NRG3: variants seen among roughly 807,000 people sequenced by gnomAD.
The protein encoded by NRG3 is pro-neuregulin-3, membrane-bound isoform.
NRG3 carries 31 observed loss-of-function variants against 66.9 expected under a neutral mutation model. That is an observed-to-expected ratio of 0.46 (90% confidence interval 0.35 to 0.63). NRG3 has a LOEUF of 0.63. NRG3 is among the 20% of genes least tolerant of loss of function. The pLI, the probability that NRG3 is intolerant of heterozygous loss-of-function variation, is 0.00. For synonymous variants in NRG3, 393 were observed against 359.4 expected, an observed-to-expected ratio of 1.09 and a Z score of -1.06; for missense variants, 910 against 878.9, an observed-to-expected ratio of 1.04 and a Z score of -0.45.
At chr10:82,378,385 G>A (rs941624975) in intron 2 of NRG3, among the ~76,000 whole-genome samples, 1 of 152,198 alleles carries the variant, frequency 6.6e-6, no homozygotes, top group Admixed American at 6.5e-5. Context: ...AGCCAGCAAA[G>A]ACTGATTCAC....
intron 2 of NRG3, among the ~76,000 whole-genome samples, chr10:82,500,938 A>G (rs608159): frequency 3.9e-5 from 6 of 151,906 alleles, no homozygotes; most frequent in African/African-American, 1.5e-4. Context: ...ATGGAGTATG[A>G]TTTAGATTTA....
At chr10:82,083,776 T>A (rs1590046919) in intron 1 of NRG3, among the ~76,000 whole-genome samples, 1 of 151,572 alleles carries the variant, frequency 6.6e-6, no homozygotes, top group East Asian at 2.0e-4. Flanking sequence ...TTTTTTTGTT[T>A]TTTTTGTTTT....
At position 82,444,102 on chromosome 10, in the gene NRG3, T is replaced by C. The variant is rs937079403; in HGVS notation, c.953+85234T>C. ...TCATTCTCTTAAAAAAAATTTGTTG[T>C]TTGTTTGTTTTTGTTTTTGAGATGG... On this transcript the variant is annotated intron_variant, in intron 2 of 8. Transcript: ENST00000372141. 2.0e-5 allele frequency among the ~76,000 whole-genome samples: 3 copies of C among 152,282 alleles called. No homozygotes were observed. The East Asian group carries it at 5.8e-4, about 29-fold the overall frequency.
At chr10:82,274,327 G>A (rs946103441) in intron 1 of NRG3, among the ~76,000 whole-genome samples, 2 of 151,932 alleles carry the variant, frequency 1.3e-5, no homozygotes, top group African/African-American at 4.8e-5. Flanking sequence ...TTCAAGACTG[G>A]CTGGAAGATT....
Position 82,378,641 on chromosome 10 carries a change from G to T in NRG3, c.953+19773G>T, listed in dbSNP as rs568772576. ...GCTGGAGTGCGGTGGTGCGATCTTGGCTCACTGCAACCTCCACCTCCTGGG... is the reference window on the plus strand; with the variant it reads ...GCTGGAGTGCGGTGGTGCGATCTTGTCTCACTGCAACCTCCACCTCCTGGG... On this transcript the variant is annotated intron_variant, in intron 2 of 8. Transcript: ENST00000372141. Among the ~76,000 whole-genome samples the T allele has an allele frequency of 2.0e-5, 3 of 151,900 alleles. No individual in the cohort carries two copies. The East Asian group carries it at 5.8e-4, about 30-fold the overall frequency.
intron 1 of NRG3, among the ~76,000 whole-genome samples, chr10:82,074,720 T>C (rs2064996377): frequency 6.6e-6 from 1 of 152,156 alleles, no homozygotes; most frequent in South Asian, 2.1e-4. Flanking sequence ...GCCTGTAGTC[T>C]TAGCTACTTA....
intron 2 of NRG3, among the ~76,000 whole-genome samples, chr10:82,595,613 G>C (rs1271384701): frequency 6.6e-6 from 1 of 151,992 alleles, no homozygotes; most frequent in Non-Finnish European, 1.5e-5. Context: ...GTGAAACTCT[G>C]TCTCTACTAA....
At chr10:82,623,535 A>G (rs2049188251) in intron 2 of NRG3, among the ~76,000 whole-genome samples, 1 of 152,054 alleles carries the variant, frequency 6.6e-6, no homozygotes, top group Non-Finnish European at 1.5e-5. Flanking sequence ...ATTATGATGG[A>G]CTTCAGGGAT....
At chr10:82,055,838 G>T (rs138415937) in intron 1 of NRG3, among the ~76,000 whole-genome samples, 2 of 152,158 alleles carry the variant, frequency 1.3e-5, no homozygotes, top group African/African-American at 2.4e-5. Flanking sequence ...GGAGATAAAG[G>T]CAGGTTTATC....
At chr10:82,975,010 TA>T (rs1028074192) in intron 7 of NRG3, among the ~76,000 whole-genome samples, 10 of 152,226 alleles carry the variant, frequency 6.6e-5, no homozygotes, top group African/African-American at 2.2e-4. Context: ...GTTTGCCATT[TA>T]AAAGAATATG....
intron 3 of NRG3, among the ~76,000 whole-genome samples, chr10:82,776,691 T>C (rs1256860945): frequency 8.6e-5 from 13 of 151,988 alleles, no homozygotes; most frequent in Non-Finnish European, 1.5e-4. Context: ...TTTTGCTGCT[T>C]GATCTAGTCT....
At chr10:82,651,457 T>C (rs565449570) in intron 2 of NRG3, among the ~76,000 whole-genome samples, 7 of 152,344 alleles carry the variant, frequency 4.6e-5, no homozygotes, top group African/African-American at 1.7e-4. Context: ...CCACAGCTGT[T>C]CTTTGCTCTC....
intron 4 of NRG3, among the ~76,000 whole-genome samples, chr10:82,931,225 C>T (rs1472686267): frequency 6.6e-6 from 1 of 152,146 alleles, no homozygotes; most frequent in Non-Finnish European, 1.5e-5. Context: ...ACTCCATCAG[C>T]AGGAATAGAA....
chr10:82,259,952 A>G (rs2077936218), intron 1 of NRG3, among the ~76,000 whole-genome samples: 1 of 151,908 alleles, frequency 6.6e-6, no homozygotes, highest in Non-Finnish European at 1.5e-5. Flanking sequence ...ACAAAACAAA[A>G]CTGATAAACA....
intron 1 of NRG3, among the ~76,000 whole-genome samples, chr10:82,343,978 C>A (rs975685624): frequency 6.6e-6 from 1 of 152,066 alleles, no homozygotes; most frequent in Admixed American, 6.6e-5. Context: ...TACATACTTT[C>A]CAGACAAGAA....
At chr10:82,354,437 C>T (rs2083648649) in intron 1 of NRG3, among the ~76,000 whole-genome samples, 1 of 150,502 alleles carries the variant, frequency 6.6e-6, no homozygotes, top group Non-Finnish European at 1.5e-5. Flanking sequence ...GTTACCCAGG[C>T]TAGAGTGCAA....
In NRG3 at chr10:82,071,507, G is replaced by A. The variant is rs951151884; in HGVS notation, c.823+195344G>A. 4.6e-5 allele frequency among the ~76,000 whole-genome samples: 7 copies of A among 152,154 alleles called. No homozygotes were observed. The South Asian group carries it at 6.2e-4, about 14-fold the overall frequency. ...AGGAAGGGCGCAATGGAAGCCTTGA[G>A]GGGAGAGCATGCTGGATGTGTTTGA... On this transcript the variant is annotated intron_variant, in intron 1 of 8. Transcript: ENST00000372141.
intron 4 of NRG3, among the ~76,000 whole-genome samples, chr10:82,914,645 G>A (rs993821235): frequency 2.4e-4 from 36 of 152,084 alleles, no homozygotes; most frequent in African/African-American, 8.4e-4. Flanking sequence ...GTTTATGTGT[G>A]GTAAGGTGTG....
At chr10:82,655,304 T>A (rs1467797450) in intron 2 of NRG3, among the ~76,000 whole-genome samples, 1 of 152,120 alleles carries the variant, frequency 6.6e-6, no homozygotes, top group Non-Finnish European at 1.5e-5. Context: ...GTAGTAAACA[T>A]CTTTGCAACA....
Sources: allele counts gnomAD v4.1 joint callset (sites outside exome capture counted in the v4.1 genomes callset), GRCh38; gene constraint gnomAD v4.1.1; transcripts MANE v1.5; gene names NCBI Gene and HGNC (gene_info 2026-07-23, HGNC 2026-07-21).